TDP1: variants seen among roughly 807,000 people sequenced by gnomAD.
TDP1 encodes the protein tyrosyl-DNA phosphodiesterase 1.
TDP1 carries 64 observed loss-of-function variants against 81.5 expected under a neutral mutation model. The ratio of observed to expected loss-of-function variants is 0.79; its 90% CI spans 0.64 to 0.97. The LOEUF (loss-of-function observed/expected upper bound fraction) is 0.97. Ranked by LOEUF, TDP1 falls within the 50% of genes least tolerant of loss-of-function variation. The pLI is 0.00. For synonymous variants in TDP1, 256 were observed against 264.3 expected (o/e 0.97, Z 0.30); for missense variants, 723 against 743.8 (o/e 0.97, Z 0.33).
At chr14:89,969,876 CTTT>C (rs5810477) in intron 5 of TDP1, among the ~76,000 whole-genome samples, 1 of 122,844 alleles carries the variant, frequency 8.1e-6, no homozygotes. Context: ...ATACTTATTT[CTTT>C]TTTTTTTTTT....
At chr14:90,023,247 A>G (rs1886295012) in intron 15 of TDP1, among the ~76,000 whole-genome samples, 1 of 152,190 alleles carries the variant, frequency 6.6e-6, no homozygotes, top group African/African-American at 2.4e-5. Context: ...CTCACTCTTG[A>G]GAAAGGAGTA....
At chr14:90,038,687 A>G (rs902104886) in intron 16 of TDP1, among the ~76,000 whole-genome samples, 14 of 152,094 alleles carry the variant, frequency 9.2e-5, no homozygotes, top group Non-Finnish European at 1.6e-4. Flanking sequence ...AAAATACAGA[A>G]TGTAGCTGGG....
At chr14:90,008,469 C>G (rs560704464) in intron 14 of TDP1, among the ~76,000 whole-genome samples, 1 of 152,232 alleles carries the variant, frequency 6.6e-6, no homozygotes. Context: ...TGCCTGAGTT[C>G]GAATTCTTAC....
At chr14:90,020,978 T>C (rs1886021797) in intron 15 of TDP1, among the ~76,000 whole-genome samples, 1 of 151,736 alleles carries the variant, frequency 6.6e-6, no homozygotes, top group Non-Finnish European at 1.5e-5. Context: ...GTATTTTTAG[T>C]AGAGACGGGG....
At chr14:89,993,630 G>T in intron 14 of TDP1, 147 bp downstream of exon 14, 1 of 1,295,284 alleles carries the variant, frequency 7.7e-7, no homozygotes, top group Non-Finnish European at 1.1e-6. Flanking sequence ...TTATTTAAAG[G>T]CATCCCATGA....
chr14:90,025,980 AC>A (rs567132269), intron 15 of TDP1, among the ~76,000 whole-genome samples: 6 of 152,174 alleles, frequency 3.9e-5, no homozygotes, highest in Non-Finnish European at 5.9e-5. Flanking sequence ...AGGGTCCAAT[AC>A]TGCTTACTTC....
intron 15 of TDP1, among the ~76,000 whole-genome samples, chr14:90,026,415 T>C (rs1413816632): frequency 6.6e-6 from 1 of 152,252 alleles, no homozygotes; most frequent in Non-Finnish European, 1.5e-5. Flanking sequence ...CTCCTTCCTC[T>C]CACCTGTCCA....
At chr14:89,991,422 T>A in intron 12 of TDP1, 1 of 306,318 alleles carries the variant, frequency 3.3e-6, no homozygotes, top group Non-Finnish European at 4.8e-6. Context: ...CTGCTTTACT[T>A]GGTGCGTTCT....
At chr14:89,976,457 T>G (rs1291123766) in intron 7 of TDP1, among the ~76,000 whole-genome samples, 1 of 151,814 alleles carries the variant, frequency 6.6e-6, no homozygotes, top group Non-Finnish European at 1.5e-5. Flanking sequence ...CCTTATTATT[T>G]CCTTTGGTCC....
At chr14:90,037,760 C>G (rs1323457644) in intron 16 of TDP1, among the ~76,000 whole-genome samples, 1 of 152,154 alleles carries the variant, frequency 6.6e-6, no homozygotes, top group Non-Finnish European at 1.5e-5. Context: ...GTACAGTGAT[C>G]AATATCAGCA....
chr14:89,983,164 G>C (rs1343032096), intron 8 of TDP1: 2 of 455,860 alleles, frequency 4.4e-6, no homozygotes, highest in Admixed American at 2.3e-5. Flanking sequence ...ACTCAGCCTG[G>C]GAACTTTGAG....
chr14:90,024,136 C>G (rs1886388209), intron 15 of TDP1, among the ~76,000 whole-genome samples: 1 of 152,278 alleles, frequency 6.6e-6, no homozygotes, highest in East Asian at 1.9e-4. Context: ...GCTGGAGATC[C>G]TGTAAGGTAG....
chr14:90,026,358 C>G (rs1886651517), intron 15 of TDP1, among the ~76,000 whole-genome samples: 1 of 152,266 alleles, frequency 6.6e-6, no homozygotes, highest in African/African-American at 2.4e-5. Flanking sequence ...TTGGTACCTG[C>G]TGATGTTCTC....
chr14:90,002,231 T>C (rs1897248866), intron 14 of TDP1, among the ~76,000 whole-genome samples: 2 of 152,180 alleles, frequency 1.3e-5, no homozygotes, highest in African/African-American at 4.8e-5. Context: ...GGTCCACAGA[T>C]GGTGACATTA....
At chr14:90,038,854 G>C (rs1352044149) in intron 16 of TDP1, among the ~76,000 whole-genome samples, 2 of 151,562 alleles carry the variant, frequency 1.3e-5, no homozygotes, top group Non-Finnish European at 2.9e-5. Context: ...AAAAATTGTT[G>C]ATATGTTTTA....
intron 8 of TDP1, among the ~76,000 whole-genome samples, chr14:89,983,646 G>A (rs2140090634): frequency 6.6e-6 from 1 of 152,352 alleles, no homozygotes; most frequent in African/African-American, 2.4e-5. Context: ...CAACAGCCCA[G>A]TGAGGCAGCC....
At chr14:89,956,171 C>T (rs1284257370) in intron 1 of TDP1, 2 of 152,298 alleles carry the variant, frequency 1.3e-5, no homozygotes, top group Non-Finnish European at 2.9e-5. Flanking sequence ...TTCCTCCGAT[C>T]ACAGCGCCTC....
intron 6 of TDP1, among the ~76,000 whole-genome samples, chr14:89,972,518 C>A (rs565127286): frequency 1.3e-5 from 2 of 149,488 alleles, no homozygotes; most frequent in South Asian, 2.1e-4. Context: ...TATATATTCC[C>A]ATAATTTTGT....
chr14:90,035,001 GCTTTCATGGTGAACCAAGC>G (rs1021694716), intron 16 of TDP1, among the ~76,000 whole-genome samples: 1 of 151,556 alleles, frequency 6.6e-6, no homozygotes, highest in African/African-American at 2.4e-5. Flanking sequence ...ACCATTCTCA[GCTTTCATGGTGAACCAAGC>G]CTCCTCTGTC....
Sources: gnomAD v4.1 joint callset for allele counts (sites outside exome capture counted in the v4.1 genomes callset) on GRCh38, gnomAD v4.1.1 for gene constraint, MANE v1.5 for transcripts, NCBI Gene and HGNC (gene_info 2026-07-23, HGNC 2026-07-21) for gene names.